The following NLN variants were observed in gnomAD, a reference collection of about 807,000 sequenced individuals.
NLN encodes neurolysin, also known as neurolysin, mitochondrial.
In NLN, 64 loss-of-function variants were observed where a neutral mutation model predicts 79.9. The ratio of observed to expected loss-of-function variants is 0.80; its 90% CI spans 0.65 to 0.99. NLN has a LOEUF of 0.99. Ranked by LOEUF, NLN falls within the 50% of genes least tolerant of loss-of-function variation. NLN has a pLI of 0.00. For missense variants in NLN, 835 were observed against 858.7 expected, an observed-to-expected ratio of 0.97 and a Z score of 0.34; for synonymous variants, 267 against 296.6, an observed-to-expected ratio of 0.90 and a Z score of 1.02.
At chr5:65,805,673 G>A (rs944075817) in intron 9 of NLN, among the ~76,000 whole-genome samples, 1 of 152,252 alleles carries the variant, frequency 6.6e-6, no homozygotes. Flanking sequence ...AAAGTGCAAG[G>A]TGAAGCAGCA....
chr5:65,786,537 T>C (rs930320026), intron 7 of NLN, among the ~76,000 whole-genome samples: 10 of 152,192 alleles, frequency 6.6e-5, no homozygotes, highest in African/African-American at 2.4e-4. Flanking sequence ...GTATGCTAAA[T>C]AGTAGGATTA....
At chr5:65,774,547 G>T (rs758873151) in intron 3 of NLN, among the ~76,000 whole-genome samples, 1 of 152,056 alleles carries the variant, frequency 6.6e-6, no homozygotes. Context: ...ATGTGCTTAA[G>T]TAGCACATTT....
rs75094812 is a variant in NLN, at chr5:65,757,918, G to C, written c.42-649G>C. 9.5e-3 allele frequency among the ~76,000 whole-genome samples: 1,447 copies of C among 152,128 alleles called. 29 individuals are homozygous for C. Among genetic ancestry groups the C allele is most frequent in the African/African-American group, 0.033 (1,389 of 41,522 alleles). ...CTATGTACATAGTAGGTGAAAGTTAGCATTGGAAAAATATTAAAATAAAAA... is the reference window on the plus strand; with the variant it reads ...CTATGTACATAGTAGGTGAAAGTTACCATTGGAAAAATATTAAAATAAAAA... On this transcript the variant is annotated intron_variant, in intron 1 of 12. Transcript: ENST00000380985.
chr5:65,778,775 C>G (rs1313112675), intron 4 of NLN, among the ~76,000 whole-genome samples: 1 of 152,110 alleles, frequency 6.6e-6, no homozygotes, highest in African/African-American at 2.4e-5. Flanking sequence ...TAAAGGGTGG[C>G]TTCCTTTCAT....
At chr5:65,784,965 C>A (rs1759885399) in intron 6 of NLN, among the ~76,000 whole-genome samples, 1 of 152,122 alleles carries the variant, frequency 6.6e-6, no homozygotes, top group South Asian at 2.1e-4. Flanking sequence ...ACTTAGCATA[C>A]CTTAAAGGGT....
Position 65,762,943 on chromosome 5 carries a change from T to C in NLN, c.302-17T>C, listed in dbSNP as rs1401539640. 4.3e-6 allele frequency: 7 copies of C among 1,611,850 alleles called. No homozygotes were observed. The highest frequency in any genetic ancestry group is 5.9e-6 in the Non-Finnish European group (7 of 1,178,994). Reference sequence around the variant, plus strand: ...CAAGTCCTGTTGTGTGGTGATAGTTTTTTTCTCCATCTGCAGTGGAAAGGA... The same window carrying C: ...CAAGTCCTGTTGTGTGGTGATAGTTCTTTTCTCCATCTGCAGTGGAAAGGA... On this transcript the variant is annotated splice_polypyrimidine_tract_variant and intron_variant, in intron 2 of 12. Transcript: ENST00000380985.
chr5:65,770,130 TATG>T, intron 3 of NLN, among the ~76,000 whole-genome samples: 1 of 152,252 alleles, frequency 6.6e-6, no homozygotes, highest in South Asian at 2.1e-4. Context: ...AAGATATCTT[TATG>T]ATATCTGGGC....
chr5:65,744,161 C>G (rs190812439), intron 1 of NLN, among the ~76,000 whole-genome samples: 3 of 152,260 alleles, frequency 2.0e-5, no homozygotes, highest in South Asian at 2.1e-4. Flanking sequence ...ATCAAGTGAG[C>G]GTCCCAAGTA....
chr5:65,810,089 T>C lies in NLN; in HGVS notation c.1767T>C (p.His589=). The change falls in exon 11 of 13, where the codon CAT becomes CAC. Residue 589 remains histidine (H), a synonymous_variant. Coordinates refer to ENST00000380985, the MANE Select transcript of NLN (RefSeq NM_020726.5). ...TGAGCAAAGTTGATCAGTCTCTTCA[T>C]ACCAACACATCGCTGGATGCTGCAA... is the stretch of plus-strand genomic sequence containing the variant. The part of the protein sequence containing the change: ...IVLSKVDQSL[H]TNTSLDAASE... 6.2e-7 allele frequency: 1 copy of C among 1,613,984 alleles called. No individual in the cohort carries two copies.
At chr5:65,731,791 C>T (rs1396465611) in intron 1 of NLN, among the ~76,000 whole-genome samples, 1 of 133,840 alleles carries the variant, frequency 7.5e-6, no homozygotes, top group African/African-American at 2.8e-5. Context: ...AGCTCTGTCA[C>T]CCAGGCTGGA....
At chr5:65,788,042 T>A (rs1039273138) in intron 7 of NLN, 76 bp from the exon 8 acceptor site, 1 of 1,450,794 alleles carries the variant, frequency 6.9e-7, no homozygotes, top group South Asian at 1.3e-5. Flanking sequence ...AGCACCATGC[T>A]AAAACACAGG....
Position 65,827,608 on chromosome 5 carries a change from A to G in NLN, c.*4693A>G, listed in dbSNP as rs1760944174. The G allele has an allele frequency of 6.6e-6, 1 of 152,198 alleles. No homozygotes were observed. The highest frequency in any genetic ancestry group is 2.4e-5 in the African/African-American group (1 of 41,442). 9.4% of individuals were successfully genotyped at this position (152,198 alleles called of 1,614,324 possible). On this transcript the variant is annotated 3_prime_UTR_variant, in exon 13 of 13. Transcript: ENST00000380985. ...ATAGTTGCATGATGATTAACGTTAAACTGGGAGTAATTTCAAGTCATTTGG... is the reference window on the plus strand; with the variant it reads ...ATAGTTGCATGATGATTAACGTTAAGCTGGGAGTAATTTCAAGTCATTTGG...
chr5:65,809,798 G>T, intron 10 of NLN, 97 bp downstream of exon 10: 1 of 1,028,942 alleles, frequency 9.7e-7, no homozygotes, highest in Non-Finnish European at 1.4e-6. Flanking sequence ...ATTTTAAGTG[G>T]TATCCCAACC....
intron 5 of NLN, 133 bp downstream of exon 5, chr5:65,780,414 C>T: frequency 1.9e-6 from 1 of 527,312 alleles, no homozygotes; most frequent in Admixed American, 4.0e-5. Flanking sequence ...TGATCCAGTA[C>T]CTAAGTCCAC....
intron 1 of NLN, among the ~76,000 whole-genome samples, chr5:65,750,078 G>A (rs1226136912): frequency 1.3e-5 from 2 of 152,176 alleles, no homozygotes; most frequent in East Asian, 1.9e-4. Context: ...GTGGAAAGGA[G>A]AAAGGGTACC....
chr5:65,741,399 C>T (rs971191980), intron 1 of NLN, among the ~76,000 whole-genome samples: 1 of 151,950 alleles, frequency 6.6e-6, no homozygotes, highest in Non-Finnish European at 1.5e-5. Context: ...CATTGTCACA[C>T]GTAAAAATAA....
At chr5:65,753,627 G>A (rs1412887664) in intron 1 of NLN, among the ~76,000 whole-genome samples, 1 of 151,306 alleles carries the variant, frequency 6.6e-6, no homozygotes, top group East Asian at 1.9e-4. Flanking sequence ...TCCAACCTAG[G>A]GGATAGAGTG....
intron 9 of NLN, among the ~76,000 whole-genome samples, chr5:65,801,339 G>A (rs569565904): frequency 6.6e-6 from 1 of 152,282 alleles, no homozygotes; most frequent in African/African-American, 2.4e-5. Context: ...TTGTTGGCTG[G>A]TCAACAGTGA....
At chr5:65,819,745 G>C (rs985561608) in intron 12 of NLN, among the ~76,000 whole-genome samples, 11 of 152,164 alleles carry the variant, frequency 7.2e-5, no homozygotes, top group African/African-American at 2.4e-4. Context: ...ACAACTTAGG[G>C]CAAAGACTCC....
Sources: allele counts gnomAD v4.1 joint callset (sites outside exome capture counted in the v4.1 genomes callset), GRCh38; gene constraint gnomAD v4.1.1; transcripts MANE v1.5; gene names NCBI Gene and HGNC (gene_info 2026-07-23, HGNC 2026-07-21).